MGAT4C: variants seen among roughly 807,000 people sequenced by gnomAD.
MGAT4C encodes alpha-1,3-mannosyl-glycoprotein 4-beta-N-acetylglucosaminyltransferase C.
A neutral mutation model predicts 40.1 loss-of-function variants in MGAT4C; 19 were observed. The observed-to-expected ratio is 0.47, with a 90% CI of 0.33 to 0.70. MGAT4C has a LOEUF of 0.70. Ranked by LOEUF, MGAT4C falls within the 30% of genes least tolerant of loss-of-function variation. The probability of loss-of-function intolerance (pLI) is 0.02; values close to 1 mark genes in which losing one functional copy is unlikely to be tolerated. For synonymous variants in MGAT4C, 181 were observed against 187.1 expected (o/e 0.97, Z 0.27); for missense variants, 491 against 563.2 (o/e 0.87, Z 1.30).
chr12:86,617,390 T>C (rs751975245), intron 2 of MGAT4C, among the ~76,000 whole-genome samples: 3 of 152,154 alleles, frequency 2.0e-5, no homozygotes, highest in Non-Finnish European at 4.4e-5. Context: ...TTCATTAATA[T>C]GCAGAAGAAT....
intron 1 of MGAT4C, among the ~76,000 whole-genome samples, chr12:86,254,254 G>A (rs1952424445): frequency 6.6e-6 from 1 of 151,836 alleles, no homozygotes; most frequent in South Asian, 2.1e-4. Flanking sequence ...AATGAATGAA[G>A]TCCATTAGCT....
intron 2 of MGAT4C, among the ~76,000 whole-genome samples, chr12:86,622,714 A>G (rs912775576): frequency 6.6e-6 from 1 of 152,170 alleles, no homozygotes; most frequent in Admixed American, 6.5e-5. Context: ...CATGTAGCAT[A>G]AACAAGTTTA....
intron 3 of MGAT4C, among the ~76,000 whole-genome samples, chr12:86,384,496 G>T (rs921592119): frequency 3.3e-5 from 5 of 152,094 alleles, no homozygotes; most frequent in African/African-American, 1.2e-4. Context: ...GTAAGGCAGG[G>T]CTTATCATTA....
At chr12:86,578,910 G>T (rs1233280043) in intron 2 of MGAT4C, among the ~76,000 whole-genome samples, 1 of 151,078 alleles carries the variant, frequency 6.6e-6, no homozygotes, top group African/African-American at 2.4e-5. Context: ...TGCTTTTCTA[G>T]TTATATAGTG....
chr12:86,811,336 A>ATTT (rs553885593), intron 1 of MGAT4C, among the ~76,000 whole-genome samples: 141 of 106,926 alleles, frequency 1.3e-3, no homozygotes, highest in African/African-American at 1.7e-3. Context: ...CACTCATAGT[A>ATTT]TTTTTTTTTT....
intron 3 of MGAT4C, among the ~76,000 whole-genome samples, chr12:86,351,287 C>T (rs1292319806): frequency 6.6e-6 from 1 of 151,882 alleles, no homozygotes; most frequent in Non-Finnish European, 1.5e-5. Context: ...AATACCTGTA[C>T]TCTTGTTACT....
intron 1 of MGAT4C, among the ~76,000 whole-genome samples, chr12:86,094,000 C>T (rs990603017): frequency 9.2e-5 from 14 of 152,056 alleles, no homozygotes; most frequent in South Asian, 4.1e-4. Flanking sequence ...AAGTTTCACA[C>T]GTATTCAATG....
intron 4 of MGAT4C, among the ~76,000 whole-genome samples, chr12:86,288,360 A>T (rs1953409723): frequency 6.6e-6 from 1 of 151,820 alleles, no homozygotes; most frequent in African/African-American, 2.4e-5. Flanking sequence ...ATTAGATCCC[A>T]TTTGTCAATT....
At chr12:86,733,785 A>T (rs1046669214) in intron 1 of MGAT4C, among the ~76,000 whole-genome samples, 1 of 152,142 alleles carries the variant, frequency 6.6e-6, no homozygotes, top group African/African-American at 2.4e-5. Context: ...AAAATGCCTG[A>T]GAATCCTTTA....
chr12:86,693,207 C>A (rs150527986), intron 2 of MGAT4C, among the ~76,000 whole-genome samples: 7 of 152,182 alleles, frequency 4.6e-5, no homozygotes, highest in African/African-American at 1.7e-4. Context: ...CTGGAAGGTG[C>A]GTTAGAGTAT....
At chr12:86,243,176 C>T (rs922597658) in intron 1 of MGAT4C, among the ~76,000 whole-genome samples, 5 of 152,186 alleles carry the variant, frequency 3.3e-5, no homozygotes, top group Admixed American at 6.5e-5. Flanking sequence ...GGCATCTGGC[C>T]ATCTCATCTG....
rs190948997 is a variant in MGAT4C, at chr12:86,075,430, A to G, written c.-56-25707T>C. 6.6e-5 allele frequency among the ~76,000 whole-genome samples: 10 copies of G among 152,158 alleles called. No individual in the cohort carries two copies. In the East Asian group the frequency reaches 1.4e-3, roughly 21 times the overall value. On this transcript the variant is annotated intron_variant, in intron 1 of 4. Transcript: ENST00000611864. ...AGCTGCTTTCCCAGGCTGGCATTGA[A>G]TGTCTGCTGCTTTTGCAGGCACATG...
At chr12:86,748,267 G>T (rs1163456553) in intron 1 of MGAT4C, among the ~76,000 whole-genome samples, 1 of 151,576 alleles carries the variant, frequency 6.6e-6, no homozygotes, top group Admixed American at 6.6e-5. Context: ...TATTGGCAAT[G>T]AGAACTGTAA....
chr12:86,331,271 G>A (rs1170522253), intron 4 of MGAT4C, among the ~76,000 whole-genome samples: 2 of 152,038 alleles, frequency 1.3e-5, no homozygotes, highest in Admixed American at 1.3e-4. Flanking sequence ...CTTCCCTTGG[G>A]GTGGGCTGTC....
intron 2 of MGAT4C, among the ~76,000 whole-genome samples, chr12:86,505,726 G>A (rs1958460605): frequency 6.6e-6 from 1 of 152,102 alleles, no homozygotes; most frequent in Non-Finnish European, 1.5e-5. Flanking sequence ...TGTATGTACT[G>A]GAGATAACCT....
intron 2 of MGAT4C, among the ~76,000 whole-genome samples, chr12:86,699,353 T>C (rs1449943979): frequency 6.6e-6 from 1 of 152,202 alleles, no homozygotes; most frequent in African/African-American, 2.4e-5. Context: ...GTTCCATGTC[T>C]TTGAAGAAGA....
intron 3 of MGAT4C, among the ~76,000 whole-genome samples, chr12:86,407,699 T>C (rs891711244): frequency 6.6e-6 from 1 of 152,076 alleles, no homozygotes; most frequent in African/African-American, 2.4e-5. Context: ...CTGTTTATTC[T>C]GTATGAATTT....
intron 2 of MGAT4C, among the ~76,000 whole-genome samples, chr12:85,995,580 C>G (rs1357423962): frequency 2.0e-5 from 3 of 152,142 alleles, no homozygotes; most frequent in African/African-American, 7.2e-5. Flanking sequence ...AAAAAGAATA[C>G]TCAGAGGCCA....
Position 86,782,403 on chromosome 12 carries a change from A to C in MGAT4C, c.-261-55162T>G, listed in dbSNP as rs371601885. Reference sequence around the variant, plus strand: ...TCACCATGTTAGCCAGGATGGTCTCAATCTCCTGACCTCGTGATCCTCCCG... The same window carrying C: ...TCACCATGTTAGCCAGGATGGTCTCCATCTCCTGACCTCGTGATCCTCCCG... On this transcript the variant is annotated intron_variant, in intron 1 of 7. Transcript: ENST00000548651. 2.0e-4 allele frequency among the ~76,000 whole-genome samples: 31 copies of C among 151,768 alleles called. No individual in the cohort carries two copies. In the East Asian group the frequency reaches 4.3e-3, roughly 21 times the overall value.
Sources: gnomAD v4.1 joint callset for allele counts (sites outside exome capture counted in the v4.1 genomes callset) on GRCh38, gnomAD v4.1.1 for gene constraint, MANE v1.5 for transcripts, NCBI Gene and HGNC (gene_info 2026-07-23, HGNC 2026-07-21) for gene names.